LIMA1: variants seen among roughly 807,000 people sequenced by gnomAD.
LIMA1 encodes LIM domain and actin binding 1.
LIMA1 carries 52 observed loss-of-function variants against 62.6 expected under a neutral mutation model. That is an observed-to-expected ratio of 0.83 (90% CI 0.67 to 1.05). The LOEUF (loss-of-function observed/expected upper bound fraction) is 1.05. LIMA1 is among the 50% of genes least tolerant of loss of function. The probability of loss-of-function intolerance (pLI) is 0.00; values close to 1 mark genes in which losing one functional copy is unlikely to be tolerated. For missense variants in LIMA1, 780 were observed against 902.2 expected (o/e 0.86, Z 1.74); for synonymous variants, 302 against 317.8 (o/e 0.95, Z 0.53).
chr12:50,191,744 C>T (rs1403166937), intron 9 of LIMA1, among the ~76,000 whole-genome samples: 1 of 152,174 alleles, frequency 6.6e-6, no homozygotes, highest in Admixed American at 6.6e-5. Context: ...ATGGCGTGAA[C>T]CCGGGAGGCG....
In LIMA1 at chr12:50,216,894, C is replaced by T. The variant is rs1456315922; in HGVS notation, c.630+5127G>A. 2.0e-5 allele frequency among the ~76,000 whole-genome samples: 3 copies of T among 151,994 alleles called. No individual in the cohort carries two copies. The East Asian group carries it at 5.8e-4, about 29-fold the overall frequency. On this transcript the variant is annotated intron_variant, in intron 4 of 10. Coordinates refer to ENST00000341247, the MANE Select transcript of LIMA1 (RefSeq NM_016357.5). The stretch of plus-strand genomic sequence containing the variant: ...AAATAAATAAAACCATCATATTCAG[C>T]TAAACCACCTGACCTAAATAACCTA...
Position 50,191,809 on chromosome 12 carries a change from G to A in LIMA1, c.1140+643C>T, listed in dbSNP as rs12316688. ...TGCACTCCAGCCTGGGCGACAGAGCGAGACTCTGTCTCAAAACAAAACAAA... is the reference window on the plus strand; with the variant it reads ...TGCACTCCAGCCTGGGCGACAGAGCAAGACTCTGTCTCAAAACAAAACAAA... On this transcript the variant is annotated intron_variant, in intron 9 of 10. Coordinates refer to ENST00000341247, the MANE Select transcript of LIMA1 (RefSeq NM_016357.5). Among the ~76,000 whole-genome samples the A allele has an allele frequency of 9.1e-3, 1,377 of 151,718 alleles. 21 individuals carry two copies. The highest frequency in any genetic ancestry group is 0.032 in the African/African-American group (1,316 of 41,350).
chr12:50,229,958 C>T (rs906744112), intron 3 of LIMA1: 3 of 152,354 alleles, frequency 2.0e-5, no homozygotes, highest in African/African-American at 7.2e-5. Flanking sequence ...CTTCATTGAC[C>T]ACCCTAGACT....
At chr12:50,245,439 G>A (rs570353913) in intron 2 of LIMA1, among the ~76,000 whole-genome samples, 5 of 150,976 alleles carry the variant, frequency 3.3e-5, no homozygotes, top group East Asian at 3.9e-4. Context: ...GAGAGAGAGA[G>A]AAAAAGAAAA....
At chr12:50,197,963 T>A (rs985449568) in intron 7 of LIMA1, among the ~76,000 whole-genome samples, 3 of 152,224 alleles carry the variant, frequency 2.0e-5, no homozygotes, top group Admixed American at 1.3e-4. Context: ...GGCTAATGCC[T>A]GAGTCCACTG....
At chr12:50,182,999 C>T (rs895179072) in intron 9 of LIMA1, among the ~76,000 whole-genome samples, 7 of 152,130 alleles carry the variant, frequency 4.6e-5, no homozygotes, top group South Asian at 4.1e-4. Context: ...GTCAGGAGTT[C>T]GAGACCAGCC....
chr12:50,213,056 G>A (rs535398007), intron 4 of LIMA1, among the ~76,000 whole-genome samples: 117 of 152,074 alleles, frequency 7.7e-4, no homozygotes, highest in African/African-American at 2.7e-3. Context: ...CTCAAGTGCT[G>A]GGATTACAAG....
At chr12:50,229,441 G>A (rs553804205) in intron 3 of LIMA1, among the ~76,000 whole-genome samples, 1 of 152,042 alleles carries the variant, frequency 6.6e-6, no homozygotes, top group East Asian at 1.9e-4. Flanking sequence ...CTATCGCAAG[G>A]ACAAAAAACC....
At chr12:50,276,074 CT>C (rs377412930) in intron 1 of LIMA1, among the ~76,000 whole-genome samples, 84 of 144,244 alleles carry the variant, frequency 5.8e-4, no homozygotes, top group Middle Eastern at 3.6e-3. Flanking sequence ...AAAATCAGTG[CT>C]TTTTTTTTTT....
At chr12:50,223,960 C>T (rs530704012) in intron 3 of LIMA1, among the ~76,000 whole-genome samples, 52 of 152,160 alleles carry the variant, frequency 3.4e-4, no homozygotes, top group African/African-American at 1.2e-3. Context: ...ATGGCTTGAA[C>T]CTGGGAGGCG....
intron 1 of LIMA1, among the ~76,000 whole-genome samples, chr12:50,272,355 C>T (rs915351117): frequency 1.4e-4 from 22 of 151,878 alleles, no homozygotes; most frequent in African/African-American, 5.1e-4. Context: ...TTTGGGAGAC[C>T]GAGGCGGGCG....
At chr12:50,217,752 TG>T in intron 4 of LIMA1, 1 of 330,762 alleles carries the variant, frequency 3.0e-6, no homozygotes, top group Non-Finnish European at 6.0e-6. Context: ...CCTTGATTCC[TG>T]ACTACCGTGC....
intron 4 of LIMA1, among the ~76,000 whole-genome samples, chr12:50,213,736 T>G (rs752120560): frequency 1.3e-5 from 2 of 152,230 alleles, no homozygotes; most frequent in Non-Finnish European, 2.9e-5. Flanking sequence ...ACAAAGGTAG[T>G]AATATTTGTA....
Position 50,177,598 on chromosome 12 carries a change from A to G in LIMA1, c.1746T>C (p.Ser582=). The part of the protein sequence containing the change: ...DLDLKKLRRS[S]SLKERSRPFT... ...ATGGGCGGCTTCTTTCCTTCAGTGA[A>G]GAAGATCGTCTTAGCTTCTTCAGAT... The change falls in exon 11 of 11, where the codon TCT becomes TCC. Residue 582 remains serine, a synonymous_variant. Transcript: ENST00000341247. 1 of 1,611,374 alleles carries G rather than the reference A, an allele frequency of 6.2e-7. No individual in the cohort carries two copies. The highest frequency in any genetic ancestry group is 8.5e-7 in the Non-Finnish European group (1 of 1,178,828).
intron 3 of LIMA1, among the ~76,000 whole-genome samples, chr12:50,227,572 T>C (rs1459029514): frequency 6.6e-6 from 1 of 152,110 alleles, no homozygotes; most frequent in Non-Finnish European, 1.5e-5. Flanking sequence ...GTTTCTTTTC[T>C]TGAATTGTCT....
intron 2 of LIMA1, among the ~76,000 whole-genome samples, chr12:50,239,190 T>C (rs1044319474): frequency 4.0e-5 from 6 of 151,878 alleles, no homozygotes; most frequent in East Asian, 1.9e-4. Flanking sequence ...TACATACACA[T>C]ACACACACAC....
rs962788294 is a variant in LIMA1, at chr12:50,265,840, C to CA, written c.-23-17067dup. Among the ~76,000 whole-genome samples, 70 of 147,596 alleles carry CA rather than the reference C, an allele frequency of 4.7e-4. No homozygotes were observed. In the South Asian group the frequency reaches 6.3e-3, roughly 13 times the overall value. On this transcript the variant is annotated intron_variant, in intron 1 of 10. Transcript: ENST00000341247. ...ATCTTTAATTAGGTCAGGTGGTTTT[C>CA]AAAAAAAAAACTTCAGTAGCCATGG...
At chr12:50,219,545 C>T (rs1941407264) in intron 4 of LIMA1, 1 of 152,032 alleles carries the variant, frequency 6.6e-6, no homozygotes, top group African/African-American at 2.4e-5. Context: ...GACAATGATG[C>T]TTATTTACAA....
At chr12:50,220,819 C>T (rs1269358724) in intron 4 of LIMA1, among the ~76,000 whole-genome samples, 2 of 152,184 alleles carry the variant, frequency 1.3e-5, no homozygotes, top group African/African-American at 4.8e-5. Context: ...AGTTAAGAAA[C>T]GTTATAAAAC....
Sources: gnomAD v4.1 joint callset for allele counts (sites outside exome capture counted in the v4.1 genomes callset) on GRCh38, gnomAD v4.1.1 for gene constraint, MANE v1.5 for transcripts, NCBI Gene and HGNC (gene_info 2026-07-23, HGNC 2026-07-21) for gene names.